INPP4A: variants seen among roughly 807,000 people sequenced by gnomAD.
INPP4A encodes the protein inositol polyphosphate-4-phosphatase, type I, 107kD.
Under a neutral mutation model 119.8 loss-of-function variants are expected in INPP4A, and 33 were observed. The ratio of observed to expected loss-of-function variants is 0.28; its 90% CI spans 0.21 to 0.37. The LOEUF (loss-of-function observed/expected upper bound fraction) is 0.37. Among genes scored for constraint, INPP4A ranks in the 10% least tolerant of loss-of-function variants. INPP4A has a pLI of 1.00. For missense variants in INPP4A, 956 were observed against 1,289.9 expected (o/e 0.74, Z 3.97); for synonymous variants, 496 against 500.7 (o/e 0.99, Z 0.12).
intron 1 of INPP4A, among the ~76,000 whole-genome samples, chr2:98,489,542 A>G (rs1340302489): frequency 6.6e-6 from 1 of 152,036 alleles, no homozygotes; most frequent in Non-Finnish European, 1.5e-5. Flanking sequence ...TCATTTACAC[A>G]CCGTCTGTCG....
chr2:98,447,436 C>T (rs1461552076), intron 1 of INPP4A, among the ~76,000 whole-genome samples: 1 of 152,092 alleles, frequency 6.6e-6, no homozygotes. Flanking sequence ...ATATTAACGC[C>T]CATGCAGGCT....
intron 1 of INPP4A, among the ~76,000 whole-genome samples, chr2:98,512,081 G>C (rs1332455070): frequency 6.6e-6 from 1 of 152,208 alleles, no homozygotes; most frequent in Non-Finnish European, 1.5e-5. Flanking sequence ...CTCAGGGGAG[G>C]TTAGGAAAAG....
intron 1 of INPP4A, among the ~76,000 whole-genome samples, chr2:98,486,723 G>T (rs1574676874): frequency 1.3e-5 from 2 of 152,272 alleles, no homozygotes; most frequent in African/African-American, 4.8e-5. Context: ...AGAGGGTTCT[G>T]CAAACACTAA....
chr2:98,582,817 T>C (rs182509099), intron 24 of INPP4A, among the ~76,000 whole-genome samples: 1 of 149,866 alleles, frequency 6.7e-6, no homozygotes, highest in East Asian at 2.0e-4. Context: ...GACAGAAAGA[T>C]CACCTAGTGC....
intron 4 of INPP4A, among the ~76,000 whole-genome samples, chr2:98,525,280 G>A (rs1687983206): frequency 6.6e-6 from 1 of 152,056 alleles, no homozygotes; most frequent in Non-Finnish European, 1.5e-5. Context: ...TTCCATGCTT[G>A]GAATCTCTCC....
intron 17 of INPP4A, among the ~76,000 whole-genome samples, chr2:98,561,578 T>C (rs1695481082): frequency 6.6e-6 from 1 of 152,232 alleles, no homozygotes; most frequent in Non-Finnish European, 1.5e-5. Flanking sequence ...CAATTTTTTT[T>C]CATTTTTTTC....
chr2:98,551,269 C>T (rs1291957841), intron 13 of INPP4A, among the ~76,000 whole-genome samples: 1 of 152,102 alleles, frequency 6.6e-6, no homozygotes, highest in Non-Finnish European at 1.5e-5. Flanking sequence ...TTTTAAAATC[C>T]TATTTTGAGA....
chr2:98,537,003 A>G (rs1283683161), intron 7 of INPP4A, among the ~76,000 whole-genome samples: 2 of 152,224 alleles, frequency 1.3e-5, no homozygotes, highest in Non-Finnish European at 2.9e-5. Context: ...GGCTTTGAGA[A>G]AAATATTTAG....
chr2:98,528,886 G>A (rs1344249777), intron 4 of INPP4A, among the ~76,000 whole-genome samples: 1 of 152,036 alleles, frequency 6.6e-6, no homozygotes, highest in Non-Finnish European at 1.5e-5. Context: ...GACCATCCTG[G>A]CTAACACAGT....
At chr2:98,551,317 A>T (rs79291065) in intron 13 of INPP4A, among the ~76,000 whole-genome samples, 2 of 152,180 alleles carry the variant, frequency 1.3e-5, no homozygotes, top group Non-Finnish European at 2.9e-5. Flanking sequence ...GAAGGCAGCT[A>T]TTCATTTGGA....
At chr2:98,463,359 A>G (rs1253233597) in intron 1 of INPP4A, among the ~76,000 whole-genome samples, 3 of 152,232 alleles carry the variant, frequency 2.0e-5, no homozygotes, top group Admixed American at 1.3e-4. Flanking sequence ...TCTACATTTC[A>G]GCTGTGATGG....
intron 1 of INPP4A, among the ~76,000 whole-genome samples, chr2:98,468,859 T>C (rs1458389834): frequency 6.6e-6 from 1 of 152,030 alleles, no homozygotes; most frequent in Admixed American, 6.6e-5. Context: ...CCCACACTGG[T>C]ACTTCCAGCC....
intron 24 of INPP4A, among the ~76,000 whole-genome samples, chr2:98,580,012 C>A (rs2106522814): frequency 6.6e-6 from 1 of 152,372 alleles, no homozygotes; most frequent in Admixed American, 6.5e-5. Flanking sequence ...AAGGTGACTT[C>A]TGTTTTCGAT....
intron 1 of INPP4A, among the ~76,000 whole-genome samples, chr2:98,512,477 T>C (rs1685299981): frequency 6.6e-6 from 1 of 152,224 alleles, no homozygotes; most frequent in South Asian, 2.1e-4. Flanking sequence ...AACTTATTTC[T>C]TACAGTCTGG....
chr2:98,504,761 A>G (rs1683731305), intron 1 of INPP4A, among the ~76,000 whole-genome samples: 1 of 152,228 alleles, frequency 6.6e-6, no homozygotes, highest in Non-Finnish European at 1.5e-5. Context: ...AGAAAAATAA[A>G]CAGAGCCTGC....
chr2:98,542,566 T>G (rs1691668523), intron 10 of INPP4A, among the ~76,000 whole-genome samples: 1 of 152,226 alleles, frequency 6.6e-6, no homozygotes, highest in Non-Finnish European at 1.5e-5. Flanking sequence ...TTCTCTTCAT[T>G]AATCAATTTC....
In INPP4A at chr2:98,505,518, G is replaced by T. The variant is rs1683881718; in HGVS notation, c.-165-13446G>T. On this transcript the variant is annotated intron_variant, in intron 1 of 24. Coordinates refer to ENST00000409851, the MANE Select transcript of INPP4A (RefSeq NM_001134225.2). ...ACATGCTTTATTCTTGAACTGTGAGGTGTATGTCACCAGAGAGAATTGGAG... is the reference window on the plus strand; with the variant it reads ...ACATGCTTTATTCTTGAACTGTGAGTTGTATGTCACCAGAGAGAATTGGAG... Among the ~76,000 whole-genome samples, 3 of 152,196 alleles carry T rather than the reference G, an allele frequency of 2.0e-5. No individual in the cohort carries two copies. The South Asian group carries it at 6.2e-4, about 31-fold the overall frequency.
At chr2:98,552,117 C>G (rs1270272807) in intron 13 of INPP4A, among the ~76,000 whole-genome samples, 1 of 152,148 alleles carries the variant, frequency 6.6e-6, no homozygotes, top group African/African-American at 2.4e-5. Context: ...ACTGAGGAGT[C>G]CGGCTTTGCC....
chr2:98,464,622 TG>T (rs1483037107), intron 1 of INPP4A, among the ~76,000 whole-genome samples: 4 of 152,224 alleles, frequency 2.6e-5, no homozygotes, highest in Non-Finnish European at 5.9e-5. Context: ...CCAGCTTCTC[TG>T]TTGACAGTTG....
Sources: allele counts gnomAD v4.1 joint callset (sites outside exome capture counted in the v4.1 genomes callset), GRCh38; gene constraint gnomAD v4.1.1; transcripts MANE v1.5; gene names NCBI Gene and HGNC (gene_info 2026-07-23, HGNC 2026-07-21).